The following SGCD variants were observed in gnomAD, a reference collection of about 807,000 sequenced individuals.
SGCD encodes delta-sarcoglycan.
A neutral mutation model predicts 36.6 loss-of-function variants in SGCD; 18 were observed. The ratio of observed to expected loss-of-function variants is 0.49; its 90% CI spans 0.34 to 0.73. The LOEUF (loss-of-function observed/expected upper bound fraction) is 0.73, where lower values mean the gene tolerates loss of function less well. Ranked by LOEUF, SGCD falls within the 30% of genes least tolerant of loss-of-function variation. The pLI, the probability that SGCD is intolerant of heterozygous loss-of-function variation, is 0.01. For synonymous variants in SGCD, 133 were observed against 130.6 expected, an observed-to-expected ratio of 1.02 and a Z score of -0.12; for missense variants, 387 against 346.7, an observed-to-expected ratio of 1.12 and a Z score of -0.92.
the SGCD span, among the ~76,000 whole-genome samples, chr5:155,743,433 G>A: frequency 2.9e-4 from 44 of 152,276 alleles, no homozygotes; most frequent in African/African-American, 1.0e-3. Context: ...ACAGGTCAGA[G>A]ACCAAATATA....
chr5:156,077,326 C>G (rs527578576), intron 1 of SGCD, among the ~76,000 whole-genome samples: 71 of 152,138 alleles, frequency 4.7e-4, no homozygotes, highest in Non-Finnish European at 8.4e-4. Context: ...ACCCATTTCC[C>G]CCTCTTCTCA....
the SGCD span, among the ~76,000 whole-genome samples, chr5:155,857,844 A>G: frequency 1.3e-5 from 2 of 152,184 alleles, no homozygotes; most frequent in Admixed American, 6.5e-5. Context: ...ATCCAAATGG[A>G]CAGTCTGTAT....
At chr5:156,382,493 A>C (rs1420923099) in intron 3 of SGCD, among the ~76,000 whole-genome samples, 4 of 152,208 alleles carry the variant, frequency 2.6e-5, no homozygotes, top group Admixed American at 2.0e-4. Flanking sequence ...GGCTAAATTT[A>C]CTAAATGTTT....
At chr5:156,397,671 C>A (rs1165469430) in intron 3 of SGCD, among the ~76,000 whole-genome samples, 1 of 152,138 alleles carries the variant, frequency 6.6e-6, no homozygotes, top group Admixed American at 6.6e-5. Context: ...CCTGTCTCCC[C>A]GAGCAGCTTA....
At chr5:155,874,724 C>T (rs552044572) in intron 1 of SGCD, among the ~76,000 whole-genome samples, 18 of 152,072 alleles carry the variant, frequency 1.2e-4, no homozygotes, top group South Asian at 4.2e-4. Context: ...AACACATACC[C>T]CTAGAAAGGC....
chr5:156,398,182 G>A (rs1771966227), intron 3 of SGCD, among the ~76,000 whole-genome samples: 1 of 152,164 alleles, frequency 6.6e-6, no homozygotes, highest in African/African-American at 2.4e-5. Context: ...ATAGAGTTGT[G>A]GGTATTATTC....
chr5:156,106,154 A>G (rs1013014599), intron 1 of SGCD, among the ~76,000 whole-genome samples: 7 of 151,252 alleles, frequency 4.6e-5, no homozygotes, highest in South Asian at 2.1e-4. Flanking sequence ...GCAGGAGAAT[A>G]ATACTGTGTT....
chr5:156,635,811 C>T (rs1198850920), intron 6 of SGCD, among the ~76,000 whole-genome samples: 2 of 147,086 alleles, frequency 1.4e-5, no homozygotes, highest in East Asian at 4.1e-4. Context: ...CACATGTTCT[C>T]ACTCATAGAT....
chr5:156,456,075 G>T (rs1754244685), intron 3 of SGCD, among the ~76,000 whole-genome samples: 1 of 152,180 alleles, frequency 6.6e-6, no homozygotes, highest in East Asian at 1.9e-4. Flanking sequence ...GAGCTACCCA[G>T]TTTGTATTAC....
At chr5:156,229,907 T>C (rs2127650753) in intron 3 of SGCD, among the ~76,000 whole-genome samples, 1 of 152,330 alleles carries the variant, frequency 6.6e-6, no homozygotes, top group South Asian at 2.1e-4. Context: ...TCGAAGACCT[T>C]ATTTTTGAGT....
intron 3 of SGCD, among the ~76,000 whole-genome samples, chr5:156,478,715 G>C (rs1755298326): frequency 6.6e-6 from 1 of 151,604 alleles, no homozygotes; most frequent in African/African-American, 2.4e-5. Flanking sequence ...TGAGTGGCTG[G>C]GATTACAGGT....
intron 1 of SGCD, among the ~76,000 whole-genome samples, chr5:156,058,954 A>G (rs1760132613): frequency 6.9e-6 from 1 of 145,980 alleles, no homozygotes; most frequent in Admixed American, 6.9e-5. Context: ...GAATTTTTCC[A>G]TGATAAAAGT....
chr5:156,146,840 T>C lies in SGCD; in HGVS notation c.-44+22821T>C, dbSNP rs543829206. 1.8e-3 allele frequency among the ~76,000 whole-genome samples: 273 copies of C among 152,328 alleles called. 5 individuals are homozygous for C. The highest frequency in any genetic ancestry group is 7.7e-4 in the East Asian group (4 of 5,184). ...GAGGGTGGGGAAATGAACTGTTTTA[T>C]TTTAACTTATTAGTTTATTATTTCC... On this transcript the variant is annotated intron_variant, in intron 3 of 9. Coordinates refer to the SGCD transcript ENST00000517913.
chr5:156,504,613 A>AT (rs1414912245), intron 3 of SGCD, among the ~76,000 whole-genome samples: 1 of 151,958 alleles, frequency 6.6e-6, no homozygotes, highest in African/African-American at 2.4e-5. Context: ...CATAGTTTTT[A>AT]TTTTTTCTCT....
Position 155,875,644 on chromosome 5 carries a change from CT to C in SGCD, c.-282+5235del, listed in dbSNP as rs1201927632. 7.4e-3 allele frequency among the ~76,000 whole-genome samples: 1,031 copies of C among 140,186 alleles called. 4 individuals carry two copies. The highest frequency in any genetic ancestry group is 0.015 in the African/African-American group (587 of 38,512). 92.0% of individuals were successfully genotyped at this position (140,186 alleles called of 152,430 possible). A position where few individuals can be genotyped will look rare whatever the true frequency, so the allele number is the denominator to read the frequency against. On this transcript the variant is annotated intron_variant, in intron 1 of 9. Transcript: ENST00000517913. ...AATTCACATTTTCAAGATGGCTCCA[CT>C]TTTTTTTTTTTTTTAGTTGTTATGG...
chr5:155,778,477 C>A, the SGCD span, among the ~76,000 whole-genome samples: 1 of 152,158 alleles, frequency 6.6e-6, no homozygotes, highest in Non-Finnish European at 1.5e-5. Flanking sequence ...TTTGTCCCCC[C>A]ATACAGCAGT....
At chr5:156,368,088 C>CT (rs112580356) in intron 3 of SGCD, among the ~76,000 whole-genome samples, 2,088 of 146,208 alleles carry the variant, frequency 0.014, 51 homozygotes, top group African/African-American at 0.048. Context: ...TTCACGCTTG[C>CT]TTTTTTTTTT....
chr5:156,227,539 C>G (rs1388871904), intron 3 of SGCD, among the ~76,000 whole-genome samples: 1 of 151,884 alleles, frequency 6.6e-6, no homozygotes, highest in Non-Finnish European at 1.5e-5. Context: ...TAATGTGATG[C>G]CTCTAGATTT....
intron 7 of SGCD, among the ~76,000 whole-genome samples, chr5:156,667,957 A>G (rs773788507): frequency 1.3e-5 from 2 of 152,246 alleles, no homozygotes; most frequent in Non-Finnish European, 2.9e-5. Flanking sequence ...TATTAACAAC[A>G]TGCACATAGG....
Sources: gnomAD v4.1 joint callset for allele counts (sites outside exome capture counted in the v4.1 genomes callset) on GRCh38, gnomAD v4.1.1 for gene constraint, MANE v1.5 for transcripts, NCBI Gene and HGNC (gene_info 2026-07-23, HGNC 2026-07-21) for gene names.